Variants in BLNK observed in about 807,000 individuals in gnomAD.
BLNK encodes B cell linker.
A neutral mutation model predicts 73.5 loss-of-function variants in BLNK; 29 were observed. The observed-to-expected ratio is 0.39, with a 90% confidence interval of 0.29 to 0.54. BLNK has a LOEUF of 0.54. Ranked by LOEUF, BLNK falls within the 20% of genes least tolerant of loss-of-function variation. The pLI, the probability that BLNK is intolerant of heterozygous loss-of-function variation, is 0.61. For synonymous variants in BLNK, 176 were observed against 200.8 expected (o/e 0.88, Z 1.04); for missense variants, 460 against 562.8 (o/e 0.82, Z 1.85).
chr10:96,201,334 G>C, intron 13 of BLNK, among the ~76,000 whole-genome samples: 1 of 152,176 alleles, frequency 6.6e-6, no homozygotes, highest in East Asian at 1.9e-4. Context: ...CAGATGAAAT[G>C]TAGAAACAGA....
chr10:96,256,654 G>A (rs1422113847), intron 1 of BLNK, among the ~76,000 whole-genome samples: 1 of 152,150 alleles, frequency 6.6e-6, no homozygotes, highest in African/African-American at 2.4e-5. Context: ...GCCAAGGAGG[G>A]TGGATCACTT....
At chr10:96,255,599 G>A (rs1843474904) in intron 1 of BLNK, among the ~76,000 whole-genome samples, 1 of 152,072 alleles carries the variant, frequency 6.6e-6, no homozygotes, top group South Asian at 2.1e-4. Context: ...AGTGTCTCAG[G>A]TGAAAGTGAC....
chr10:96,205,837 C>T lies in BLNK; in HGVS notation c.817+1174G>A, dbSNP rs1414413878. 2.0e-5 allele frequency among the ~76,000 whole-genome samples: 3 copies of T among 152,232 alleles called. No homozygotes were observed. The East Asian group carries it at 5.8e-4, about 29-fold the overall frequency. On this transcript the variant is annotated intron_variant, in intron 11 of 16. Transcript: ENST00000224337. Reference sequence around the variant, plus strand: ...AGCAGCAGTGGACATGCCTTGGGCCCTGCTTCTTTCCTGGATTTTGGAGGC... The same window carrying T: ...AGCAGCAGTGGACATGCCTTGGGCCTTGCTTCTTTCCTGGATTTTGGAGGC...
At chr10:96,264,144 G>A (rs144787041) in intron 1 of BLNK, among the ~76,000 whole-genome samples, 1 of 152,276 alleles carries the variant, frequency 6.6e-6, no homozygotes, top group Non-Finnish European at 1.5e-5. Flanking sequence ...GCCTTTGAGC[G>A]CTTAAACCTC....
intron 6 of BLNK, among the ~76,000 whole-genome samples, 166 bp from the exon 7 acceptor site, chr10:96,216,900 T>C (rs2084080412): frequency 6.6e-6 from 1 of 152,190 alleles, no homozygotes; most frequent in African/African-American, 2.4e-5. Flanking sequence ...TTCACAGACA[T>C]ATACAACCAT....
At position 96,203,034 on chromosome 10, in the gene BLNK, T is replaced by C. The variant is rs587762250; in HGVS notation, c.934+1023A>G. Among the ~76,000 whole-genome samples, 3 of 152,334 alleles carry C rather than the reference T, an allele frequency of 2.0e-5. No homozygotes were observed. The South Asian group carries it at 6.2e-4, about 32-fold the overall frequency. On this transcript the variant is annotated intron_variant, in intron 13 of 16. Coordinates refer to ENST00000224337, the MANE Select transcript of BLNK (RefSeq NM_013314.4). ...ATAGCACTTCAGCATTTACCTGATA[T>C]GATATTATTTGTGCGTTTATTTTTA...
chr10:96,192,184 A>G (rs1204486462), intron 16 of BLNK, 92 bp from the exon 17 acceptor site: 3 of 1,536,788 alleles, frequency 2.0e-6, no homozygotes, highest in Non-Finnish European at 2.7e-6. Context: ...TCAAGTTAGT[A>G]AAAGTTATTA....
At chr10:96,234,795 A>G (rs186051551) in intron 3 of BLNK, among the ~76,000 whole-genome samples, 20 of 152,316 alleles carry the variant, frequency 1.3e-4, no homozygotes, top group Admixed American at 3.3e-4. Flanking sequence ...CCACAAAGGC[A>G]TGGATCCAAG....
At chr10:96,263,186 G>A (rs1412973490) in intron 1 of BLNK, among the ~76,000 whole-genome samples, 1 of 152,246 alleles carries the variant, frequency 6.6e-6, no homozygotes, top group Admixed American at 6.5e-5. Context: ...AAATTGTTAA[G>A]AATTTCAGGA....
chr10:96,240,348 A>C (rs193145953), intron 3 of BLNK, among the ~76,000 whole-genome samples: 173 of 152,138 alleles, frequency 1.1e-3, no homozygotes, highest in South Asian at 2.1e-3. Flanking sequence ...CAGAGAAGAA[A>C]CCACTCAGAT....
At chr10:96,221,610 C>T (rs2084198421) in intron 6 of BLNK, among the ~76,000 whole-genome samples, 2 of 152,334 alleles carry the variant, frequency 1.3e-5, no homozygotes, top group South Asian at 4.1e-4. Context: ...CCCTGACTCC[C>T]TGGGGTCCAT....
At chr10:96,238,832 T>C (rs1842788535) in intron 3 of BLNK, 2 of 275,456 alleles carry the variant, frequency 7.3e-6, no homozygotes, top group East Asian at 5.9e-5. Flanking sequence ...GGGTCAGGGA[T>C]TGAGGGAATA....
intron 7 of BLNK, chr10:96,216,276 A>T: frequency 4.1e-6 from 1 of 246,828 alleles, no homozygotes; most frequent in African/African-American, 2.2e-5. Context: ...TCATTTTTTC[A>T]CTCCTCTGCA....
rs56871307 is a variant in BLNK, at chr10:96,250,446, AAG to A, written c.48-3399_48-3398del. 6.5e-3 allele frequency among the ~76,000 whole-genome samples: 888 copies of A among 136,470 alleles called. 5 individuals are homozygous for A. Among genetic ancestry groups the A allele is most frequent in the African/African-American group, 0.022 (818 of 36,650 alleles). 89.5% of individuals were successfully genotyped at this position (136,470 alleles called of 152,430 possible). On this transcript the variant is annotated intron_variant, in intron 1 of 16. Coordinates refer to ENST00000224337, the MANE Select transcript of BLNK (RefSeq NM_013314.4). ...AGAGAGAGAGAGAGAGGAAGAGAGA[AAG>A]AGAGAGAGAGAGAGAGGTTGAAGTG... is the stretch of plus-strand genomic sequence containing the variant.
In BLNK at chr10:96,189,953, C is replaced by G; in HGVS notation, c.*2020G>C. ...CACTGGTGGTGTTATTTCAAAGACC[C>G]CAAGGGAAACTGTTGGCTGTACAGA... On this transcript the variant is annotated 3_prime_UTR_variant, in exon 17 of 17. Transcript: ENST00000224337. The G allele has an allele frequency of 1.1e-6, 1 of 912,010 alleles. No homozygotes were observed. The highest frequency in any genetic ancestry group is 2.4e-5 in the East Asian group (1 of 41,746). The allele number at this position is 912,010 out of a possible 1,614,324, so 56.5% of individuals were successfully genotyped here.
At chr10:96,218,400 G>GGTA (rs2084116911) in intron 6 of BLNK, among the ~76,000 whole-genome samples, 2 of 152,102 alleles carry the variant, frequency 1.3e-5, no homozygotes. Flanking sequence ...GTTTAAAAGT[G>GGTA]GTAGACCCAG....
chr10:96,222,629 G>A (rs185486110), intron 6 of BLNK, among the ~76,000 whole-genome samples: 1 of 152,294 alleles, frequency 6.6e-6, no homozygotes, highest in East Asian at 1.9e-4. Context: ...ACCTGCTGGG[G>A]CAGGGCAGCT....
At chr10:96,269,594 A>G (rs1844180875) in intron 1 of BLNK, among the ~76,000 whole-genome samples, 1 of 152,064 alleles carries the variant, frequency 6.6e-6, no homozygotes, top group East Asian at 1.9e-4. Context: ...CCCTCCCACC[A>G]GATCCCTGCC....
chr10:96,217,770 A>G (rs1368857286), intron 6 of BLNK, among the ~76,000 whole-genome samples: 2 of 152,086 alleles, frequency 1.3e-5, no homozygotes, highest in Non-Finnish European at 2.9e-5. Context: ...TTACTTTCTT[A>G]TTGGTATCAT....
Sources: gnomAD v4.1 joint callset for allele counts (sites outside exome capture counted in the v4.1 genomes callset) on GRCh38, gnomAD v4.1.1 for gene constraint, MANE v1.5 for transcripts, NCBI Gene and HGNC (gene_info 2026-07-23, HGNC 2026-07-21) for gene names.